The following RP1 variants were observed in gnomAD, a reference collection of about 807,000 sequenced individuals.
RP1 encodes oxygen-regulated protein 1.
A neutral mutation model predicts 14.8 loss-of-function variants in RP1; 16 were observed. The observed-to-expected ratio is 1.08, with a 90% CI of 0.73 to 1.65. The LOEUF (loss-of-function observed/expected upper bound fraction) is 1.65. Ranked by LOEUF, RP1 falls within the 40% of genes most tolerant of loss-of-function variation. The pLI is 0.00. For synonymous variants in RP1, 876 were observed against 883.6 expected (o/e 0.99, Z 0.15); for missense variants, 2,631 against 2,535.0 (o/e 1.04, Z -0.81).
intron 14 of RP1, among the ~76,000 whole-genome samples, chr8:54,702,356 A>G (rs1409085969): frequency 6.6e-6 from 1 of 152,214 alleles, no homozygotes; most frequent in Non-Finnish European, 1.5e-5. Context: ...AATAAAGCAG[A>G]TTTCTCAATA....
intron 19 of RP1, among the ~76,000 whole-genome samples, chr8:54,751,080 A>G (rs1161186659): frequency 1.3e-5 from 2 of 152,218 alleles, no homozygotes; most frequent in Non-Finnish European, 2.9e-5. Flanking sequence ...CTCACTGTGA[A>G]GGTCTGCGGC....
At chr8:54,687,451 C>T (rs888484925) in intron 12 of RP1, among the ~76,000 whole-genome samples, 29 of 152,242 alleles carry the variant, frequency 1.9e-4, no homozygotes, top group Non-Finnish European at 2.8e-4. Flanking sequence ...CTAATGCTAT[C>T]CTTCCCCTAG....
intron 24 of RP1, among the ~76,000 whole-genome samples, chr8:54,801,271 C>T (rs181123984): frequency 3.3e-4 from 50 of 152,254 alleles, no homozygotes; most frequent in Admixed American, 3.1e-3. Flanking sequence ...TTCCTCAACA[C>T]GTGTTAATGT....
At chr8:54,660,647 A>T (rs531038300) in intron 6 of RP1, among the ~76,000 whole-genome samples, 3 of 150,944 alleles carry the variant, frequency 2.0e-5, no homozygotes, top group Non-Finnish European at 1.5e-5. Context: ...GGGTGCAGGA[A>T]CCTCTTAGGT....
At chr8:54,563,329 C>G (rs1156580077) in intron 1 of RP1, among the ~76,000 whole-genome samples, 1 of 152,204 alleles carries the variant, frequency 6.6e-6, no homozygotes. Context: ...CTCAGAGCCT[C>G]TCTCAGAAGG....
intron 1 of RP1, among the ~76,000 whole-genome samples, chr8:54,573,533 C>T (rs982706036): frequency 1.3e-5 from 2 of 152,074 alleles, no homozygotes; most frequent in African/African-American, 4.8e-5. Flanking sequence ...GCTCTCAATA[C>T]GGTAGCTTTT....
chr8:54,582,960 C>T (rs568146243), intron 1 of RP1, among the ~76,000 whole-genome samples: 4 of 152,184 alleles, frequency 2.6e-5, no homozygotes, highest in Admixed American at 6.5e-5. Context: ...GACAATTTGA[C>T]TTCCTCTTTT....
At chr8:54,593,248 T>A (rs913441091) in intron 1 of RP1, among the ~76,000 whole-genome samples, 10 of 152,276 alleles carry the variant, frequency 6.6e-5, no homozygotes, top group African/African-American at 2.2e-4. Context: ...GTCTAGAGAT[T>A]TCTTTCTTCA....
chr8:54,790,144 C>A (rs938744539), intron 24 of RP1, among the ~76,000 whole-genome samples: 3 of 152,200 alleles, frequency 2.0e-5, no homozygotes, highest in Non-Finnish European at 4.4e-5. Flanking sequence ...TTGCCAGGAG[C>A]CCAACCAGAA....
rs543274130 is a variant in RP1 at position 54,658,309 on chromosome 8, T to C, written c.1171+2094T>C. ...GCTCACGCCTGTAATCCCAGCACTT[T>C]GGGAGGCCGAGGCGGGCGGATCACG... On this transcript the variant is annotated intron_variant, in intron 6 of 22. Transcript: ENST00000636932. Among the ~76,000 whole-genome samples the C allele has an allele frequency of 4.3e-4, 65 of 152,032 alleles. 1 individual carries two copies. The highest frequency in any genetic ancestry group is 1.4e-3 in the African/African-American group (59 of 41,378).
intron 1 of RP1, among the ~76,000 whole-genome samples, chr8:54,576,843 A>G (rs2129295042): frequency 6.6e-6 from 1 of 152,260 alleles, no homozygotes; most frequent in Non-Finnish European, 1.5e-5. Flanking sequence ...TTGGTTGGCA[A>G]TTCTAGGTGT....
intron 14 of RP1, among the ~76,000 whole-genome samples, chr8:54,703,903 G>A (rs1188381250): frequency 2.6e-5 from 4 of 152,082 alleles, no homozygotes; most frequent in Non-Finnish European, 4.4e-5. Context: ...CTTTTCTCCT[G>A]AAGCTTCCTC....
At chr8:54,780,547 C>T (rs1810161458) in intron 23 of RP1, among the ~76,000 whole-genome samples, 2 of 152,204 alleles carry the variant, frequency 1.3e-5, no homozygotes, top group Non-Finnish European at 1.5e-5. Context: ...ATTCAACCAA[C>T]AGCAGATAAA....
chr8:54,709,177 A>T (rs985187990), intron 15 of RP1, among the ~76,000 whole-genome samples: 2 of 152,214 alleles, frequency 1.3e-5, no homozygotes, highest in African/African-American at 4.8e-5. Context: ...CAGAGTCAGG[A>T]TACATGAGGC....
At chr8:54,833,283 C>T (rs918025598) in intron 24 of RP1, among the ~76,000 whole-genome samples, 4 of 151,802 alleles carry the variant, frequency 2.6e-5, no homozygotes, top group South Asian at 2.1e-4. Context: ...ATTGGAAATG[C>T]CCTCATGCAA....
At chr8:54,764,298 CT>C (rs1316530938) in intron 22 of RP1, among the ~76,000 whole-genome samples, 1 of 152,258 alleles carries the variant, frequency 6.6e-6, no homozygotes, top group African/African-American at 2.4e-5. Flanking sequence ...CAGACACTTT[CT>C]TCTCTGCTCC....
intron 7 of RP1, among the ~76,000 whole-genome samples, chr8:54,669,347 G>T (rs1461405287): frequency 1.3e-5 from 2 of 152,276 alleles, no homozygotes; most frequent in African/African-American, 2.4e-5. Context: ...ACACCAGTTA[G>T]AATGGCGATC....
At chr8:54,822,956 T>C (rs938131386) in intron 24 of RP1, among the ~76,000 whole-genome samples, 3 of 152,224 alleles carry the variant, frequency 2.0e-5, no homozygotes, top group African/African-American at 7.2e-5. Flanking sequence ...TCCTTGGAAG[T>C]TGCAAAGATA....
intron 15 of RP1, among the ~76,000 whole-genome samples, chr8:54,717,163 T>G (rs924166311): frequency 1.3e-5 from 2 of 152,216 alleles, no homozygotes; most frequent in African/African-American, 4.8e-5. Context: ...ATTTTGGAAT[T>G]TCTTTTGTCA....
Sources: gnomAD v4.1 joint callset for allele counts (sites outside exome capture counted in the v4.1 genomes callset) on GRCh38, gnomAD v4.1.1 for gene constraint, MANE v1.5 for transcripts, NCBI Gene and HGNC (gene_info 2026-07-23, HGNC 2026-07-21) for gene names.